Variants in ZDHHC7 observed in about 807,000 individuals in gnomAD.
ZDHHC7 encodes palmitoyltransferase ZDHHC7.
In ZDHHC7, 12 loss-of-function variants were observed where a neutral mutation model predicts 34.1. That is an observed-to-expected ratio of 0.35 (90% CI 0.23 to 0.57). The LOEUF is 0.57. ZDHHC7 is among the 20% of genes least tolerant of loss of function. ZDHHC7 has a pLI of 0.84. For missense variants in ZDHHC7, 388 were observed against 402.7 expected, an observed-to-expected ratio of 0.96 and a Z score of 0.31; for synonymous variants, 185 against 155.4, an observed-to-expected ratio of 1.19 and a Z score of -1.42.
intron 6 of ZDHHC7, 189 bp from the exon 7 acceptor site, chr16:84,977,414 A>G: frequency 1.6e-6 from 1 of 644,060 alleles, no homozygotes. Context: ...GCAAAAATTC[A>G]TACCATGACT....
At chr16:84,988,760 C>A (rs2072469985) in intron 3 of ZDHHC7, 1 of 1,551,288 alleles carries the variant, frequency 6.4e-7, no homozygotes. Flanking sequence ...ACCCCACACT[C>A]ACAAGCAGGA....
chr16:85,006,991 C>G (rs2072725381), intron 1 of ZDHHC7, among the ~76,000 whole-genome samples: 1 of 151,804 alleles, frequency 6.6e-6, no homozygotes, highest in Non-Finnish European at 1.5e-5. Flanking sequence ...CAAGCACCCA[C>G]TACCTATAAG....
chr16:84,988,962 G>C (rs1597543606), intron 3 of ZDHHC7: 2 of 1,331,736 alleles, frequency 1.5e-6, no homozygotes, highest in African/African-American at 2.9e-5. Context: ...GGGCACTTTG[G>C]GCAACAAACA....
intron 2 of ZDHHC7, among the ~76,000 whole-genome samples, chr16:84,990,869 C>CG (rs1397822862): frequency 4.4e-5 from 4 of 90,928 alleles, no homozygotes; most frequent in South Asian, 7.1e-4. Context: ...ATATACAAAA[C>CG]CTATCTATGG....
intron 1 of ZDHHC7, among the ~76,000 whole-genome samples, chr16:85,008,959 C>G (rs2072753612): frequency 6.6e-6 from 1 of 151,392 alleles, no homozygotes; most frequent in Non-Finnish European, 1.5e-5. Context: ...GCAGGAGAAT[C>G]GCTTTAACCC....
chr16:84,976,132 A>G lies in ZDHHC7; in HGVS notation c.*211T>C. ...CGGCGTTTGGCTTCTTCGTGTGGCCACACACCTTTCCGTTGTTGTACAGGT... is the reference window on the plus strand; with the variant it reads ...CGGCGTTTGGCTTCTTCGTGTGGCCGCACACCTTTCCGTTGTTGTACAGGT... On this transcript the variant is annotated 3_prime_UTR_variant, in exon 8 of 8. Transcript: ENST00000313732. 1.6e-6 allele frequency: 1 copy of G among 630,224 alleles called. No homozygotes were observed. The highest frequency in any genetic ancestry group is 2.6e-6 in the Non-Finnish European group (1 of 380,112). The allele number at this position is 630,224 out of a possible 1,614,324, so 39.0% of individuals were successfully genotyped here.
rs182558786 is a variant in ZDHHC7 at position 84,980,584 on chromosome 16, C to T, written c.440+1286G>A. On this transcript the variant is annotated intron_variant, in intron 4 of 7. Transcript: ENST00000313732. ...ACTAGGGAGGCTGAGGCACAAGAAT[C>T]GCTTGAGCCTGAGAGGCAGAGGTTG... 1.2e-3 allele frequency among the ~76,000 whole-genome samples: 180 copies of T among 152,102 alleles called. 1 individual carries two copies. The highest frequency in any genetic ancestry group is 3.9e-3 in the African/African-American group (162 of 41,530).
chr16:85,001,189 G>T (rs1231204116), intron 1 of ZDHHC7, among the ~76,000 whole-genome samples: 1 of 152,112 alleles, frequency 6.6e-6, no homozygotes, highest in East Asian at 1.9e-4. Flanking sequence ...AGATAACTGG[G>T]GCCGGGCGCG....
intron 1 of ZDHHC7, among the ~76,000 whole-genome samples, chr16:85,005,700 A>C (rs1042072479): frequency 2.6e-5 from 4 of 152,374 alleles, no homozygotes; most frequent in Admixed American, 2.0e-4. Context: ...GAACTCTAAA[A>C]GCTGGTCTCC....
chr16:84,980,724 T>C (rs1338302570), intron 4 of ZDHHC7, among the ~76,000 whole-genome samples: 1 of 152,144 alleles, frequency 6.6e-6, no homozygotes, highest in African/African-American at 2.4e-5. Context: ...CAATGTACAA[T>C]TCAATGATTT....
At chr16:85,024,527 G>A in the ZDHHC7 span, among the ~76,000 whole-genome samples, 51 of 152,286 alleles carry the variant, frequency 3.3e-4, no homozygotes, top group African/African-American at 9.6e-4. Flanking sequence ...CACGGTGCCC[G>A]GACAGAATAT....
chr16:85,004,731 G>C (rs2072696463), intron 1 of ZDHHC7, among the ~76,000 whole-genome samples: 1 of 152,196 alleles, frequency 6.6e-6, no homozygotes, highest in Admixed American at 6.5e-5. Context: ...GTAAGGGAAG[G>C]AGGGTGCTTG....
chr16:85,010,374 G>A (rs947829085), intron 1 of ZDHHC7, among the ~76,000 whole-genome samples: 2 of 152,160 alleles, frequency 1.3e-5, no homozygotes, highest in African/African-American at 4.8e-5. Context: ...TGTAAACACT[G>A]TAAAACATAA....
chr16:84,999,752 A>G (rs1247331508), intron 1 of ZDHHC7, among the ~76,000 whole-genome samples: 1 of 152,180 alleles, frequency 6.6e-6, no homozygotes, highest in African/African-American at 2.4e-5. Context: ...AAGTTGACAG[A>G]CATGCCTGTA....
chr16:84,994,683 C>A (rs1404440255), intron 2 of ZDHHC7, among the ~76,000 whole-genome samples: 2 of 152,112 alleles, frequency 1.3e-5, no homozygotes, highest in African/African-American at 2.4e-5. Context: ...GTAAGGAGAG[C>A]GCCCACAGAC....
intron 1 of ZDHHC7, among the ~76,000 whole-genome samples, chr16:85,001,456 G>C (rs1373450027): frequency 1.6e-5 from 1 of 61,884 alleles, no homozygotes; most frequent in East Asian, 5.8e-4. Context: ...GGGCAAGAGA[G>C]CAAGACCCTG....
chr16:85,002,027 G>A (rs2072659869), intron 1 of ZDHHC7, among the ~76,000 whole-genome samples: 1 of 152,102 alleles, frequency 6.6e-6, no homozygotes, highest in African/African-American at 2.4e-5. Context: ...GTGGGCTCAT[G>A]AAAGGGATAT....
chr16:85,026,743 G>A, the ZDHHC7 span, among the ~76,000 whole-genome samples: 1 of 151,762 alleles, frequency 6.6e-6, no homozygotes, highest in Non-Finnish European at 1.5e-5. Flanking sequence ...TTGACATTCA[G>A]CCCTATTTCA....
At chr16:84,991,467 T>C (rs1025702167) in intron 2 of ZDHHC7, among the ~76,000 whole-genome samples, 1 of 151,980 alleles carries the variant, frequency 6.6e-6, no homozygotes, top group South Asian at 2.1e-4. Context: ...TTTGTATTTT[T>C]AGTAGAGATG....
Sources: allele counts gnomAD v4.1 joint callset (sites outside exome capture counted in the v4.1 genomes callset), GRCh38; gene constraint gnomAD v4.1.1; transcripts MANE v1.5; gene names NCBI Gene and HGNC (gene_info 2026-07-23, HGNC 2026-07-21).